CMIP: variants seen among roughly 807,000 people sequenced by gnomAD.
CMIP encodes c-Maf inducing protein.
In CMIP, 13 loss-of-function variants were observed where a neutral mutation model predicts 97.3. That is an observed-to-expected ratio of 0.13 (90% CI 0.09 to 0.21). CMIP has a LOEUF of 0.21. Ranked by LOEUF, CMIP falls within the 10% of genes least tolerant of loss-of-function variation. The pLI, the probability that CMIP is intolerant of heterozygous loss-of-function variation, is 1.00. For synonymous variants in CMIP, 538 were observed against 436.3 expected, an observed-to-expected ratio of 1.23 and a Z score of -2.91; for missense variants, 847 against 1,024.9, an observed-to-expected ratio of 0.83 and a Z score of 2.37.
chr16:81,512,594 C>G (rs531779697), intron 1 of CMIP, among the ~76,000 whole-genome samples: 103 of 152,210 alleles, frequency 6.8e-4, no homozygotes, highest in African/African-American at 2.2e-3. Flanking sequence ...CCCTTTGTAT[C>G]AAGTTTAGAG....
At chr16:81,577,495 A>G (rs2091214786) in intron 1 of CMIP, among the ~76,000 whole-genome samples, 1 of 148,322 alleles carries the variant, frequency 6.7e-6, no homozygotes, top group South Asian at 2.1e-4. Context: ...TATCACTATC[A>G]CCATCATCAC....
intron 3 of CMIP, among the ~76,000 whole-genome samples, chr16:81,629,364 G>C (rs1341951614): frequency 6.6e-6 from 1 of 151,916 alleles, no homozygotes; most frequent in African/African-American, 2.4e-5. Context: ...CTTTAAACTT[G>C]AGGTTTGGAA....
At chr16:81,493,944 A>G (rs987592235) in intron 1 of CMIP, among the ~76,000 whole-genome samples, 7 of 152,234 alleles carry the variant, frequency 4.6e-5, no homozygotes, top group Non-Finnish European at 1.0e-4. Flanking sequence ...CTTCTCAGGA[A>G]GTCTTAGGGA....
At chr16:81,654,014 A>G (rs142127529) in intron 4 of CMIP, among the ~76,000 whole-genome samples, 1 of 152,308 alleles carries the variant, frequency 6.6e-6, no homozygotes, top group Non-Finnish European at 1.5e-5. Context: ...TAATGGAGCT[A>G]GAAGTTCCAC....
intron 2 of CMIP, among the ~76,000 whole-genome samples, chr16:81,611,911 T>C (rs982832438): frequency 6.6e-6 from 1 of 152,212 alleles, no homozygotes; most frequent in African/African-American, 2.4e-5. Flanking sequence ...GCAGGTTGAG[T>C]TGGCAGACAG....
At chr16:81,683,756 C>CTTTTTTTTTTTTT (rs71272426) in intron 10 of CMIP, among the ~76,000 whole-genome samples, 23 of 81,614 alleles carry the variant, frequency 2.8e-4, no homozygotes, top group Non-Finnish European at 4.0e-4. Context: ...TTTTCTTTTT[C>CTTTTTTTTTTTTT]TTTTTTTTTT....
chr16:81,506,123 G>A (rs779473541), intron 1 of CMIP, among the ~76,000 whole-genome samples: 4 of 152,180 alleles, frequency 2.6e-5, no homozygotes, highest in Admixed American at 6.5e-5. Context: ...CTAACAGGTG[G>A]GACCCCTCTT....
At chr16:81,544,700 TATGTTTGTGGA>T (rs1288123765) in intron 1 of CMIP, among the ~76,000 whole-genome samples, 1 of 151,610 alleles carries the variant, frequency 6.6e-6, no homozygotes, top group Non-Finnish European at 1.5e-5. Flanking sequence ...TATGTGTGTA[TATGTTTGTGGA>T]ATGTTGTGTG....
chr16:81,535,341 A>G (rs2090320988), intron 1 of CMIP, among the ~76,000 whole-genome samples: 1 of 152,104 alleles, frequency 6.6e-6, no homozygotes, highest in African/African-American at 2.4e-5. Context: ...CACACAGCCA[A>G]ATGCTGTCTG....
At chr16:81,461,907 G>A (rs1039436930) in intron 1 of CMIP, among the ~76,000 whole-genome samples, 2 of 152,188 alleles carry the variant, frequency 1.3e-5, no homozygotes, top group African/African-American at 4.8e-5. Flanking sequence ...AGTATGTGCT[G>A]GGCACCGTTC....
intron 1 of CMIP, among the ~76,000 whole-genome samples, chr16:81,494,284 A>G (rs572482243): frequency 1.3e-5 from 2 of 152,192 alleles, no homozygotes; most frequent in African/African-American, 4.8e-5. Flanking sequence ...TGCTGGAGGG[A>G]CGCAGGGCAG....
At chr16:81,590,823 T>TC (rs2091455227) in intron 1 of CMIP, among the ~76,000 whole-genome samples, 2 of 150,530 alleles carry the variant, frequency 1.3e-5, no homozygotes, top group Non-Finnish European at 3.0e-5. Flanking sequence ...TCACTTTCTC[T>TC]CATCCATCCA....
chr16:81,709,726 A>T lies in CMIP; in HGVS notation c.2269-20A>T. On this transcript the variant is annotated intron_variant, in intron 20 of 20. Transcript: ENST00000537098. ...AGGGAATGGCCTACACGTGACAAGG[A>T]CTCTTATTGCCACCCCCAGGCCAAG... 3 of 1,613,494 alleles carry T rather than the reference A, an allele frequency of 1.9e-6. No homozygotes were observed. Among genetic ancestry groups the T allele is most frequent in the Admixed American group, 1.7e-5 (1 of 59,970 alleles).
At position 81,445,233 on chromosome 16, in the gene CMIP, G is replaced by A; in HGVS notation, c.-9G>A. On this transcript the variant is annotated 5_prime_UTR_variant, in exon 1 of 21. Coordinates refer to ENST00000537098, the MANE Select transcript of CMIP (RefSeq NM_198390.3). ...CTCCCCGCCCCCAGCCCCCTCCCCC[G>A]GCGCGGCCATGGATGTGACCAGCAG... is the stretch of plus-strand genomic sequence containing the variant. 1.2e-6 allele frequency: 1 copy of A among 867,556 alleles called. No homozygotes were observed. Among genetic ancestry groups the A allele is most frequent in the Non-Finnish European group, 1.7e-6 (1 of 605,528 alleles). The allele number at this position is 867,556 out of a possible 1,614,324, so 53.7% of individuals were successfully genotyped here.
chr16:81,517,733 G>T (rs1452629368), intron 1 of CMIP: 8 of 153,558 alleles, frequency 5.2e-5, no homozygotes, highest in African/African-American at 1.9e-4. Flanking sequence ...CAGGGAAGTG[G>T]GAAACATTTT....
intron 1 of CMIP, among the ~76,000 whole-genome samples, chr16:81,469,475 A>T (rs1024335839): frequency 6.6e-6 from 1 of 152,240 alleles, no homozygotes; most frequent in Non-Finnish European, 1.5e-5. Flanking sequence ...TCTGACACAG[A>T]GAAAGTATAC....
chr16:81,522,190 A>C (rs2090041486), intron 1 of CMIP, among the ~76,000 whole-genome samples: 1 of 152,336 alleles, frequency 6.6e-6, no homozygotes, highest in East Asian at 1.9e-4. Context: ...TTCGCCCACG[A>C]TGATCAGGAG....
intron 1 of CMIP, among the ~76,000 whole-genome samples, chr16:81,551,956 C>T (rs918432001): frequency 2.6e-5 from 4 of 152,224 alleles, no homozygotes; most frequent in African/African-American, 9.6e-5. Context: ...GACGCTGTTC[C>T]CCACCGGCAG....
At chr16:81,681,021 C>T (rs1025769567) in intron 10 of CMIP, among the ~76,000 whole-genome samples, 1 of 152,194 alleles carries the variant, frequency 6.6e-6, no homozygotes, top group Non-Finnish European at 1.5e-5. Flanking sequence ...CCCCTGCCTG[C>T]CCGCATCACC....
Sources: gnomAD v4.1 joint callset for allele counts (sites outside exome capture counted in the v4.1 genomes callset) on GRCh38, gnomAD v4.1.1 for gene constraint, MANE v1.5 for transcripts, NCBI Gene and HGNC (gene_info 2026-07-23, HGNC 2026-07-21) for gene names.